Variants in SDHB observed in about 807,000 individuals in gnomAD.
SDHB encodes the protein succinate dehydrogenase [ubiquinone] iron-sulfur subunit, mitochondrial.
A neutral mutation model predicts 39.7 loss-of-function variants in SDHB; 21 were observed. The observed-to-expected ratio is 0.53, with a 90% CI of 0.37 to 0.76. The LOEUF (loss-of-function observed/expected upper bound fraction) is 0.76, where lower values mean the gene tolerates loss of function less well. Among genes scored for constraint, SDHB ranks in the 30% least tolerant of loss-of-function variants. SDHB has a pLI of 0.00. For missense variants in SDHB, 343 were observed against 350.9 expected, an observed-to-expected ratio of 0.98 and a Z score of 0.18; for synonymous variants, 118 against 117.0, an observed-to-expected ratio of 1.01 and a Z score of -0.06.
intron 2 of SDHB, among the ~76,000 whole-genome samples, chr1:17,042,762 C>A (rs181460471): frequency 7.3e-5 from 10 of 137,714 alleles, no homozygotes; most frequent in African/African-American, 2.5e-4. Flanking sequence ...TGGGTGACAG[C>A]GAGACCCTGA....
In SDHB at chr1:17,031,358, TA is replaced by T. The variant is rs530171828; in HGVS notation, c.286+1701del. Among the ~76,000 whole-genome samples the T allele has an allele frequency of 1.6e-4, 24 of 149,674 alleles. 1 individual carries two copies. Among genetic ancestry groups the T allele is most frequent in the Admixed American group, 6.0e-4 (9 of 14,990 alleles). On this transcript the variant is annotated intron_variant, in intron 3 of 7. Coordinates refer to ENST00000375499, the MANE Select transcript of SDHB (RefSeq NM_003000.3). ...GGGAATTCTCTTACAAGATGGGAATTAAAAAAAAAATAAGAAAAACAAGATG... is the reference window on the plus strand; with the variant it reads ...GGGAATTCTCTTACAAGATGGGAATTAAAAAAAAATAAGAAAAACAAGATG...
intron 2 of SDHB, among the ~76,000 whole-genome samples, chr1:17,039,130 G>A (rs1385932293): frequency 2.0e-5 from 3 of 151,868 alleles, no homozygotes; most frequent in Admixed American, 6.6e-5. Context: ...TGACGTGGCC[G>A]GATTTAGGTC....
At chr1:17,036,194 C>A (rs986424081) in intron 2 of SDHB, among the ~76,000 whole-genome samples, 72 of 152,184 alleles carry the variant, frequency 4.7e-4, no homozygotes, top group Admixed American at 1.7e-3. Flanking sequence ...AGACCACTGC[C>A]TCCTTAACAA....
intron 1 of SDHB, among the ~76,000 whole-genome samples, chr1:17,049,514 C>T (rs2078132801): frequency 6.6e-6 from 1 of 151,670 alleles, no homozygotes; most frequent in South Asian, 2.1e-4. Flanking sequence ...CCAGGCTGGG[C>T]TCAAACTCCT....
In SDHB at chr1:17,027,884, A is replaced by G. The variant is rs201836574; in HGVS notation, c.424-19T>C. On this transcript the variant is annotated intron_variant, in intron 4 of 7. Coordinates refer to ENST00000375499, the MANE Select transcript of SDHB (RefSeq NM_003000.3). ...TCAAATCCTGTGGTTAAGAGGAAGA[A>G]GAAGAAGAAGAAGAAGAAAAGGATC... 7.7e-7 allele frequency: 1 copy of G among 1,305,536 alleles called. No individual in the cohort carries two copies. Among genetic ancestry groups the G allele is most frequent in the African/African-American group, 1.4e-5 (1 of 69,032 alleles). 80.9% of individuals were successfully genotyped at this position (1,305,536 alleles called of 1,614,324 possible).
At chr1:17,025,910 A>G (rs1450934380) in intron 5 of SDHB, among the ~76,000 whole-genome samples, 1 of 152,224 alleles carries the variant, frequency 6.6e-6, no homozygotes, top group Non-Finnish European at 1.5e-5. Flanking sequence ...TGCTCAAAGG[A>G]AATGTTCACT....
intron 1 of SDHB, among the ~76,000 whole-genome samples, chr1:17,051,915 C>T (rs1409760156): frequency 6.6e-6 from 1 of 151,346 alleles, no homozygotes; most frequent in Non-Finnish European, 1.5e-5. Context: ...GATTTCAGCT[C>T]ACTGCACCCT....
chr1:17,036,572 T>C (rs925028621), intron 2 of SDHB, among the ~76,000 whole-genome samples: 2 of 151,872 alleles, frequency 1.3e-5, no homozygotes, highest in Admixed American at 1.3e-4. Context: ...AAAATAGTTT[T>C]TAAATTTCAT....
intron 1 of SDHB, among the ~76,000 whole-genome samples, chr1:17,050,304 A>G (rs1055207026): frequency 1.3e-5 from 2 of 151,864 alleles, no homozygotes; most frequent in Non-Finnish European, 2.9e-5. Context: ...CCAAAATGTC[A>G]TCATTTTTTT....
chr1:17,024,194 T>C, intron 5 of SDHB, 120 bp from the exon 6 acceptor site: 1 of 726,892 alleles, frequency 1.4e-6, no homozygotes, highest in South Asian at 1.5e-5. Context: ...TGCATGTGAA[T>C]TTTCTTAGCA....
At chr1:17,046,965 C>T (rs2101543920) in intron 1 of SDHB, among the ~76,000 whole-genome samples, 1 of 152,326 alleles carries the variant, frequency 6.6e-6, no homozygotes, top group East Asian at 1.9e-4. Context: ...GATCTGCCTG[C>T]CTTGGCCTCC....
chr1:17,028,751 C>T lies in SDHB; in HGVS notation c.287-15G>A. 2 of 1,613,286 alleles carry T rather than the reference C, an allele frequency of 1.2e-6. No homozygotes were observed. The highest frequency in any genetic ancestry group is 1.7e-6 in the Non-Finnish European group (2 of 1,179,990). On this transcript the variant is annotated splice_polypyrimidine_tract_variant and intron_variant, in intron 3 of 7. Coordinates refer to ENST00000375499, the MANE Select transcript of SDHB (RefSeq NM_003000.3). Reference sequence around the variant, plus strand: ...GCCACAGATGCCTGAAAGAGACACACATTTAACACATCCTCACCCATATCC... The same window carrying T: ...GCCACAGATGCCTGAAAGAGACACATATTTAACACATCCTCACCCATATCC...
At chr1:17,051,722 A>C (rs1215150127) in intron 1 of SDHB, among the ~76,000 whole-genome samples, 4 of 152,108 alleles carry the variant, frequency 2.6e-5, no homozygotes, top group Non-Finnish European at 5.9e-5. Context: ...TTTCTAGCAT[A>C]GCCCAGAAAA....
At chr1:17,034,015 G>A (rs939025315) in intron 2 of SDHB, among the ~76,000 whole-genome samples, 2 of 152,070 alleles carry the variant, frequency 1.3e-5, no homozygotes, top group Admixed American at 1.3e-4. Flanking sequence ...ATAGTACCTG[G>A]CATACAGTAA....
intron 1 of SDHB, among the ~76,000 whole-genome samples, chr1:17,053,709 C>G (rs956102226): frequency 1.4e-4 from 22 of 151,940 alleles, no homozygotes; most frequent in African/African-American, 4.8e-4. Flanking sequence ...GTCCCCCCCC[C>G]CCGCACCCTT....
intron 3 of SDHB, among the ~76,000 whole-genome samples, chr1:17,031,626 T>C (rs913308056): frequency 3.3e-5 from 5 of 152,234 alleles, no homozygotes; most frequent in Non-Finnish European, 7.3e-5. Context: ...CAACGCTAAA[T>C]AAGATTAGCT....
chr1:17,039,415 C>CAAAAAA (rs34561776), intron 2 of SDHB, among the ~76,000 whole-genome samples: 1 of 86,386 alleles, frequency 1.2e-5, no homozygotes. Flanking sequence ...CCTGTCTCTA[C>CAAAAAA]AAAAAAAAAA....
chr1:17,022,418 G>A (rs1315992252), intron 7 of SDHB, among the ~76,000 whole-genome samples, 190 bp downstream of exon 7: 4 of 152,158 alleles, frequency 2.6e-5, no homozygotes, highest in Admixed American at 2.6e-4. Flanking sequence ...GAGGTGGCCC[G>A]AGTCAGTCTA....
intron 4 of SDHB, 71 bp downstream of exon 4, chr1:17,028,529 T>C: frequency 6.5e-7 from 1 of 1,540,534 alleles, no homozygotes; most frequent in South Asian, 1.1e-5. Flanking sequence ...CCTGAAAAAC[T>C]AATAGCGTAA....
Sources: gnomAD v4.1 joint callset for allele counts (sites outside exome capture counted in the v4.1 genomes callset) on GRCh38, gnomAD v4.1.1 for gene constraint, MANE v1.5 for transcripts, NCBI Gene and HGNC (gene_info 2026-07-23, HGNC 2026-07-21) for gene names.